SFXN5: variants seen among roughly 807,000 people sequenced by gnomAD.
SFXN5 encodes the protein sideroflexin 5, also known as sideroflexin-5.
Under a neutral mutation model 50.2 loss-of-function variants are expected in SFXN5, and 43 were observed. The observed-to-expected ratio is 0.86, with a 90% CI of 0.67 to 1.11. The LOEUF is 1.11. SFXN5 is among the 50% of genes least tolerant of loss of function. The probability of loss-of-function intolerance (pLI) is 0.00; values close to 1 mark genes in which losing one functional copy is unlikely to be tolerated. For missense variants in SFXN5, 463 were observed against 454.1 expected, an observed-to-expected ratio of 1.02 and a Z score of -0.18; for synonymous variants, 203 against 185.8, an observed-to-expected ratio of 1.09 and a Z score of -0.75.
chr2:73,048,039 C>T (rs6754858), intron 2 of SFXN5, among the ~76,000 whole-genome samples: 47,047 of 151,770 alleles, frequency 0.31, 8,557 homozygotes, highest in East Asian at 0.5. Context: ...TGAAAAACTG[C>T]TCATATACTC....
At chr2:73,047,240 AAAAAAATATATAT>A (rs1407339936) in intron 2 of SFXN5, among the ~76,000 whole-genome samples, 1 of 60,644 alleles carries the variant, frequency 1.6e-5, no homozygotes, top group African/African-American at 8.9e-5. Context: ...AAAAAAAAAA[AAAAAAATATATAT>A]ATATATATAT....
At chr2:73,040,417 A>G (rs1679470645) in intron 3 of SFXN5, among the ~76,000 whole-genome samples, 1 of 152,160 alleles carries the variant, frequency 6.6e-6, no homozygotes, top group Non-Finnish European at 1.5e-5. Context: ...TCCCACCCTT[A>G]ACCTGAATTT....
At chr2:72,981,710 GA>G (rs1671320178) in intron 10 of SFXN5, among the ~76,000 whole-genome samples, 1 of 152,170 alleles carries the variant, frequency 6.6e-6, no homozygotes, top group Admixed American at 6.5e-5. Context: ...TGCCAGTTCT[GA>G]GGCTGCCACC....
intron 3 of SFXN5, among the ~76,000 whole-genome samples, chr2:73,036,243 C>T (rs1678960619): frequency 6.6e-6 from 1 of 152,206 alleles, no homozygotes; most frequent in South Asian, 2.1e-4. Context: ...CCACTTATCC[C>T]CTCTGCTCCT....
intron 2 of SFXN5, among the ~76,000 whole-genome samples, chr2:73,057,591 AAG>A (rs1682312603): frequency 6.6e-6 from 1 of 152,182 alleles, no homozygotes; most frequent in Non-Finnish European, 1.5e-5. Context: ...ATTGATTATA[AAG>A]AGGTATGAGA....
At chr2:73,030,392 T>G (rs1188588541) in intron 3 of SFXN5, among the ~76,000 whole-genome samples, 3 of 152,170 alleles carry the variant, frequency 2.0e-5, no homozygotes, top group Non-Finnish European at 4.4e-5. Context: ...TTGTTGTTGT[T>G]GTAGAAACGG....
chr2:73,019,371 A>T (rs1174595809), intron 6 of SFXN5: 2 of 150,614 alleles, frequency 1.3e-5, no homozygotes, highest in African/African-American at 4.9e-5. Context: ...GGAGGGTGTT[A>T]TACTGATTCC....
intron 13 of SFXN5, chr2:72,956,897 C>T (rs1673151170): frequency 2.6e-6 from 1 of 389,348 alleles, no homozygotes; most frequent in Admixed American, 2.8e-5. Context: ...AAAGAAGAAA[C>T]TGAATACCAT....
chr2:73,060,670 T>C (rs1682697639), intron 1 of SFXN5, among the ~76,000 whole-genome samples: 1 of 151,842 alleles, frequency 6.6e-6, no homozygotes, highest in Non-Finnish European at 1.5e-5. Context: ...ATATAATTAC[T>C]ACACTGCGGT....
intron 8 of SFXN5, 55 bp downstream of exon 8, chr2:73,000,376 G>A: frequency 6.6e-7 from 1 of 1,507,010 alleles, no homozygotes; most frequent in African/African-American, 1.4e-5. Context: ...TAGGGAGGAT[G>A]ACTGGGCCTC....
chr2:72,980,719 C>G (rs1671191424), intron 10 of SFXN5, among the ~76,000 whole-genome samples: 1 of 152,196 alleles, frequency 6.6e-6, no homozygotes, highest in Admixed American at 6.5e-5. Context: ...ACAGCTGCCT[C>G]TTAGCTTGAG....
At chr2:72,985,649 C>A (rs1198853684) in intron 10 of SFXN5, among the ~76,000 whole-genome samples, 1 of 152,120 alleles carries the variant, frequency 6.6e-6, no homozygotes, top group Non-Finnish European at 1.5e-5. Flanking sequence ...GAGGAAGAAG[C>A]CACAAAGGGC....
intron 6 of SFXN5, among the ~76,000 whole-genome samples, chr2:73,005,567 G>A (rs17008579): frequency 0.15 from 22,683 of 152,158 alleles, 1,983 homozygotes; most frequent in East Asian, 0.36. Context: ...TGCAGCAAGC[G>A]CTCCCTGGAT....
At chr2:72,972,467 T>C (rs1670121613) in intron 10 of SFXN5, among the ~76,000 whole-genome samples, 2 of 152,214 alleles carry the variant, frequency 1.3e-5, no homozygotes, top group African/African-American at 4.8e-5. Flanking sequence ...CTTGGGAACC[T>C]GGGCTAAGGG....
intron 10 of SFXN5, among the ~76,000 whole-genome samples, chr2:72,985,754 G>A (rs1671842329): frequency 6.6e-6 from 1 of 152,310 alleles, no homozygotes; most frequent in African/African-American, 2.4e-5. Context: ...GACAACAGTG[G>A]CTGCACCTGT....
intron 2 of SFXN5, chr2:73,041,546 T>A (rs895963799): frequency 1.6e-5 from 5 of 316,626 alleles, no homozygotes; most frequent in Non-Finnish European, 2.6e-5. Context: ...AAACATTAGC[T>A]GGGCATGGTG....
At chr2:73,009,172 T>C (rs1220988879) in intron 6 of SFXN5, among the ~76,000 whole-genome samples, 1 of 152,228 alleles carries the variant, frequency 6.6e-6, no homozygotes, top group African/African-American at 2.4e-5. Flanking sequence ...TGCATGCGTA[T>C]ATTTTCTTAC....
chr2:73,046,084 T>C (rs1042210360), intron 2 of SFXN5, among the ~76,000 whole-genome samples: 1 of 152,218 alleles, frequency 6.6e-6, no homozygotes, highest in African/African-American at 2.4e-5. Flanking sequence ...TCTTGGAATT[T>C]ACTCTAAAAA....
At chr2:72,968,240 T>C (rs927069070) in intron 12 of SFXN5, among the ~76,000 whole-genome samples, 3 of 151,892 alleles carry the variant, frequency 2.0e-5, no homozygotes, top group African/African-American at 4.8e-5. Flanking sequence ...CCCAGGGTCC[T>C]GCATAGTAAA....
Sources: gnomAD v4.1 joint callset for allele counts (sites outside exome capture counted in the v4.1 genomes callset) on GRCh38, gnomAD v4.1.1 for gene constraint, MANE v1.5 for transcripts, NCBI Gene and HGNC (gene_info 2026-07-23, HGNC 2026-07-21) for gene names.